EXOC4: variants seen among roughly 807,000 people sequenced by gnomAD.
EXOC4 encodes the protein SEC8-like 1.
A neutral mutation model predicts 107.2 loss-of-function variants in EXOC4; 71 were observed. That is an observed-to-expected ratio of 0.66 (90% confidence interval 0.55 to 0.81). The LOEUF is 0.81. Among genes scored for constraint, EXOC4 ranks in the 30% least tolerant of loss-of-function variants. The pLI is 0.00. For synonymous variants in EXOC4, 456 were observed against 441.2 expected (o/e 1.03, Z -0.42); for missense variants, 1,108 against 1,189.6 (o/e 0.93, Z 1.01).
At chr7:133,486,784 A>T (rs1799277052) in intron 9 of EXOC4, among the ~76,000 whole-genome samples, 1 of 152,080 alleles carries the variant, frequency 6.6e-6, no homozygotes, top group Non-Finnish European at 1.5e-5. Context: ...TAAAAGAATG[A>T]CCTTAACTTA....
intron 1 of EXOC4, among the ~76,000 whole-genome samples, chr7:133,268,563 A>G (rs535657941): frequency 7.9e-5 from 12 of 152,250 alleles, no homozygotes; most frequent in Non-Finnish European, 1.8e-4. Flanking sequence ...ATTGCTCCAC[A>G]GAAGGAACCA....
intron 11 of EXOC4, among the ~76,000 whole-genome samples, chr7:133,833,585 C>T (rs1797856332): frequency 6.6e-6 from 1 of 152,104 alleles, no homozygotes; most frequent in African/African-American, 2.4e-5. Context: ...GTTTTTGAAA[C>T]AGGGTCTCAC....
At chr7:133,935,568 A>G (rs189577519) in intron 13 of EXOC4, among the ~76,000 whole-genome samples, 10 of 152,280 alleles carry the variant, frequency 6.6e-5, no homozygotes, top group Admixed American at 3.3e-4. Flanking sequence ...AGCCCTTGAT[A>G]TGTAACATAC....
chr7:134,092,102 C>CATTACAT, the EXOC4 span, among the ~76,000 whole-genome samples: 11 of 152,224 alleles, frequency 7.2e-5, no homozygotes, highest in South Asian at 2.3e-3. Flanking sequence ...CCAGAGTTAA[C>CATTACAT]TACATTACAT....
At chr7:133,710,502 TAC>T (rs1222798910) in intron 10 of EXOC4, among the ~76,000 whole-genome samples, 2 of 151,070 alleles carry the variant, frequency 1.3e-5, no homozygotes, top group Non-Finnish European at 3.0e-5. Context: ...CTACTAAAAA[TAC>T]AAAAAATTAG....
chr7:133,661,672 TAA>T (rs1177627198), intron 10 of EXOC4, among the ~76,000 whole-genome samples: 1 of 13,462 alleles, frequency 7.4e-5, no homozygotes, highest in South Asian at 3.2e-3. Context: ...TCCTTAAAAC[TAA>T]AAAAAAAAAA....
intron 7 of EXOC4, among the ~76,000 whole-genome samples, chr7:133,458,322 G>A (rs918299136): frequency 2.0e-5 from 3 of 152,170 alleles, no homozygotes; most frequent in Admixed American, 6.5e-5. Flanking sequence ...TTTGTGAAGT[G>A]CACTCCAAAG....
At chr7:133,707,384 A>G (rs1381321746) in intron 10 of EXOC4, among the ~76,000 whole-genome samples, 1 of 151,768 alleles carries the variant, frequency 6.6e-6, no homozygotes, top group Non-Finnish European at 1.5e-5. Context: ...CTTTTTATTG[A>G]CATATCAAAA....
chr7:133,622,675 A>G (rs891414870), intron 9 of EXOC4, among the ~76,000 whole-genome samples: 1 of 152,044 alleles, frequency 6.6e-6, no homozygotes, highest in Non-Finnish European at 1.5e-5. Context: ...ATTTATAGTG[A>G]GGCTTTTTGT....
At chr7:133,988,693 T>G (rs1235493785) in intron 14 of EXOC4, among the ~76,000 whole-genome samples, 1 of 151,924 alleles carries the variant, frequency 6.6e-6, no homozygotes, top group East Asian at 1.9e-4. Context: ...GAAAGAGGAG[T>G]AAGAGCCATC....
chr7:134,015,469 G>A (rs1794881929), intron 17 of EXOC4, among the ~76,000 whole-genome samples: 1 of 152,198 alleles, frequency 6.6e-6, no homozygotes, highest in Non-Finnish European at 1.5e-5. Context: ...AAGCAGAGGA[G>A]TGAGATGGTC....
Position 133,757,381 on chromosome 7 carries a change from G to C in EXOC4, c.1515-59944G>C, listed in dbSNP as rs141352632. ...TTTTAAAAAAATGCAGATTGTGTTT[G>C]CTTTGTGATTTTGATGTTTAAAGGA... On this transcript the variant is annotated intron_variant, in intron 10 of 17. Coordinates refer to ENST00000253861, the MANE Select transcript of EXOC4 (RefSeq NM_021807.4). Among the ~76,000 whole-genome samples the C allele has an allele frequency of 2.0e-3, 301 of 152,334 alleles. 2 individuals are homozygous for C. Among genetic ancestry groups the C allele is most frequent in the African/African-American group, 6.8e-3 (283 of 41,584 alleles).
rs1343567851 is a variant in EXOC4 at position 133,608,205 on chromosome 7, G to A, written c.1418-21840G>A. On this transcript the variant is annotated intron_variant, in intron 9 of 17. Transcript: ENST00000253861. Reference sequence around the variant, plus strand: ...TTTTTTGTTAGGTAAATCGAAAACAGCAATGGAAATACATTTTCCCTTGAA... The same window carrying A: ...TTTTTTGTTAGGTAAATCGAAAACAACAATGGAAATACATTTTCCCTTGAA... Among the ~76,000 whole-genome samples the A allele has an allele frequency of 2.0e-5, 3 of 152,090 alleles. No individual in the cohort carries two copies. In the South Asian group the frequency reaches 6.2e-4, roughly 32 times the overall value.
At chr7:133,316,910 T>C (rs970597622) in intron 4 of EXOC4, among the ~76,000 whole-genome samples, 1 of 152,216 alleles carries the variant, frequency 6.6e-6, no homozygotes, top group Non-Finnish European at 1.5e-5. Context: ...GATCTTTCTT[T>C]GTTGATAAAT....
intron 11 of EXOC4, among the ~76,000 whole-genome samples, chr7:133,847,537 A>G (rs1049282136): frequency 7.9e-6 from 1 of 127,190 alleles, no homozygotes; most frequent in Non-Finnish European, 1.6e-5. Flanking sequence ...TACACCAGCT[A>G]TTTTTTTTTT....
intron 5 of EXOC4, among the ~76,000 whole-genome samples, chr7:133,333,678 T>A (rs1259314491): frequency 6.6e-6 from 1 of 152,206 alleles, no homozygotes. Context: ...TATCTATTTA[T>A]TTCTGTATCT....
chr7:133,773,765 A>ACCAC (rs2151165204), intron 10 of EXOC4, among the ~76,000 whole-genome samples: 1 of 152,048 alleles, frequency 6.6e-6, no homozygotes, highest in South Asian at 2.1e-4. Flanking sequence ...ACCCACTGTC[A>ACCAC]CCACCCGGGC....
intron 7 of EXOC4, among the ~76,000 whole-genome samples, chr7:133,395,517 G>A (rs10266786): frequency 8.4e-4 from 128 of 152,046 alleles, no homozygotes; most frequent in African/African-American, 2.9e-3. Context: ...ATGCAAATAC[G>A]GCACAAGAAG....
At chr7:133,989,542 C>A (rs1396407441) in intron 14 of EXOC4, among the ~76,000 whole-genome samples, 1 of 150,658 alleles carries the variant, frequency 6.6e-6, no homozygotes, top group African/African-American at 2.5e-5. Flanking sequence ...AGAGAGAAAA[C>A]AACACCCAGA....
Sources: gnomAD v4.1 joint callset for allele counts (sites outside exome capture counted in the v4.1 genomes callset) on GRCh38, gnomAD v4.1.1 for gene constraint, MANE v1.5 for transcripts, NCBI Gene and HGNC (gene_info 2026-07-23, HGNC 2026-07-21) for gene names.